SMUG1: variants seen among roughly 807,000 people sequenced by gnomAD.
SMUG1 encodes the protein single-strand-selective monofunctional uracil-DNA glycosylase 1, also known as single-strand selective monofunctional uracil DNA glycosylase.
Under a neutral mutation model 23.9 loss-of-function variants are expected in SMUG1, and 13 were observed. That is an observed-to-expected ratio of 0.54 (90% CI 0.35 to 0.86). SMUG1 has a LOEUF of 0.86. SMUG1 is among the 40% of genes least tolerant of loss of function. The pLI is 0.01. For missense variants in SMUG1, 313 were observed against 339.5 expected, an observed-to-expected ratio of 0.92 and a Z score of 0.61; for synonymous variants, 133 against 139.8, an observed-to-expected ratio of 0.95 and a Z score of 0.34.
chr12:54,159,025 C>T (rs1324875051), intron 4 of SMUG1, among the ~76,000 whole-genome samples: 1 of 152,186 alleles, frequency 6.6e-6, no homozygotes, highest in Non-Finnish European at 1.5e-5. Flanking sequence ...CTTTCTCCCT[C>T]TGTCAACCTT....
downstream of SMUG1, among the ~76,000 whole-genome samples, chr12:54,160,333 C>T (rs184250990): frequency 1.3e-3 from 199 of 152,348 alleles, 1 homozygote; most frequent in African/African-American, 4.5e-3. Flanking sequence ...AGAGAGGAGG[C>T]AGGACCACAG....
downstream of SMUG1, among the ~76,000 whole-genome samples, chr12:54,175,895 C>A (rs892158603): frequency 6.6e-6 from 1 of 152,078 alleles, no homozygotes; most frequent in Admixed American, 6.6e-5. Context: ...TTTCTTTAAG[C>A]TATCCTGTAT....
chr12:54,158,451 TC>T (rs1220320113), intron 4 of SMUG1, among the ~76,000 whole-genome samples: 1 of 152,026 alleles, frequency 6.6e-6, no homozygotes, highest in Non-Finnish European at 1.5e-5. Flanking sequence ...CTTGTAGTGG[TC>T]CCATTCCCAA....
chr12:54,186,164 T>C (rs1942401355), intron 2 of SMUG1, among the ~76,000 whole-genome samples: 1 of 152,156 alleles, frequency 6.6e-6, no homozygotes, highest in African/African-American at 2.4e-5. Context: ...GGACTGTTGA[T>C]TCCCCAACCT....
chr12:54,169,982 C>T (rs920538193), intron 3 of SMUG1, among the ~76,000 whole-genome samples: 4 of 152,020 alleles, frequency 2.6e-5, no homozygotes, highest in Non-Finnish European at 5.9e-5. Context: ...GCAGATAACC[C>T]GAGGTCGGTA....
downstream of SMUG1, among the ~76,000 whole-genome samples, chr12:54,177,863 C>T (rs1940794001): frequency 4.6e-5 from 7 of 151,966 alleles, no homozygotes; most frequent in South Asian, 1.5e-3. Context: ...TGGTTGGGGA[C>T]AAAAAAAGCA....
At chr12:54,176,506 G>T (rs1940753905), downstream of SMUG1, among the ~76,000 whole-genome samples, 4 of 46,966 alleles carry the variant, frequency 8.5e-5, no homozygotes, top group African/African-American at 1.4e-4. Context: ...AGAAGATCCT[G>T]TCCCCCCCCA....
chr12:54,183,424 G>A, intron 3 of SMUG1: 1 of 580,020 alleles, frequency 1.7e-6, no homozygotes, highest in Non-Finnish European at 3.1e-6. Flanking sequence ...GGCAATTACT[G>A]GCCAGCTCAC....
Position 54,181,198 on chromosome 12 carries a change from G to A in SMUG1, c.*898C>T, listed in dbSNP as rs936778515. ...AAAATCACAGGCTAGTTTTTTCATA[G>A]TCATTGATCCATCTCTGACATGGCA... On this transcript the variant is annotated 3_prime_UTR_variant, in exon 4 of 4. Transcript: ENST00000682136. The A allele has an allele frequency of 4.4e-6, 1 of 225,502 alleles. No homozygotes were observed. Among genetic ancestry groups the A allele is most frequent in the African/African-American group, 2.2e-5 (1 of 44,474 alleles). 14.0% of individuals were successfully genotyped at this position (225,502 alleles called of 1,614,324 possible).
intron 3 of SMUG1, among the ~76,000 whole-genome samples, chr12:54,167,215 T>C (rs979059662): frequency 7.9e-5 from 12 of 152,158 alleles, no homozygotes; most frequent in Admixed American, 2.0e-4. Flanking sequence ...GGCCTCCTTA[T>C]TTTCCCCTTC....
At chr12:54,158,561 C>A (rs1210146182) in intron 4 of SMUG1, among the ~76,000 whole-genome samples, 1 of 152,130 alleles carries the variant, frequency 6.6e-6, no homozygotes, top group Non-Finnish European at 1.5e-5. Context: ...CCCCTAACAC[C>A]TCAGTGCCCC....
At chr12:54,168,587 T>A (rs1940543990) in intron 3 of SMUG1, 1 of 152,198 alleles carries the variant, frequency 6.6e-6, no homozygotes, top group South Asian at 2.1e-4. Context: ...AATAAATACT[T>A]AATAAGCATC....
downstream of SMUG1, chr12:54,180,221 G>T (rs563220398): frequency 5.3e-5 from 8 of 152,304 alleles, no homozygotes; most frequent in African/African-American, 1.9e-4. Context: ...TGTGGTCTGA[G>T]ATCAAATTCA....
chr12:54,159,331 G>A (rs192079905), intron 4 of SMUG1, among the ~76,000 whole-genome samples: 35 of 152,334 alleles, frequency 2.3e-4, no homozygotes, highest in African/African-American at 7.5e-4. Flanking sequence ...GAGCGGGAGG[G>A]TCACGTGGCT....
intron 1 of SMUG1, chr12:54,188,614 A>G (rs1292813649): frequency 2.6e-5 from 4 of 152,092 alleles, no homozygotes; most frequent in Admixed American, 6.5e-5. Context: ...TCAGAGCAAA[A>G]TTCCGTCTCA....
rs1363204147 is a variant in SMUG1, at chr12:54,180,963, G to C, written c.*1133C>G. On this transcript the variant is annotated 3_prime_UTR_variant, in exon 4 of 4. Transcript: ENST00000682136. ...AGACCATGCCACTGCACTCCAGCCT[G>C]GGCAACAGCATGAGACTCCATCTCA... 1 of 151,294 alleles carries C rather than the reference G, an allele frequency of 6.6e-6. No homozygotes were observed. The highest frequency in any genetic ancestry group is 2.1e-4 in the South Asian group (1 of 4,758). 9.4% of individuals were successfully genotyped at this position (151,294 alleles called of 1,614,324 possible). A position where few individuals can be genotyped will look rare whatever the true frequency, so the allele number is the denominator to read the frequency against.
rs763875452 is a variant in SMUG1, at chr12:54,183,865, T to G, written c.76A>C (p.Ser26Arg). 1 of 1,612,522 alleles carries G rather than the reference T, an allele frequency of 6.2e-7. No individual in the cohort carries two copies. Among genetic ancestry groups the G allele is most frequent in the Non-Finnish European group, 8.5e-7 (1 of 1,179,388 alleles). The change falls in exon 3 of 4, where the codon AGC becomes CGC. Residue 26 changes from serine to arginine, a missense_variant. Ser to Arg is a moderately radical substitution (Grantham distance 110). Coordinates refer to ENST00000682136, the MANE Select transcript of SMUG1 (RefSeq NM_001243787.2). ...ALMEPQPCPG[S>R]LAESFLEEEL... ...TCCTCCAGGAAGCTCTCAGCCAAGC[T>G]TCCAGGGCAGGGCTGGGGCTCCATG... is the stretch of plus-strand genomic sequence containing the variant.
At chr12:54,162,971 G>A (rs1219106500), downstream of SMUG1, among the ~76,000 whole-genome samples, 1 of 152,188 alleles carries the variant, frequency 6.6e-6, no homozygotes, top group Non-Finnish European at 1.5e-5. Context: ...CCGGAACGAG[G>A]GAGCTGTCGG....
downstream of SMUG1, chr12:54,162,022 T>A (rs777525344): frequency 6.6e-6 from 1 of 152,512 alleles, no homozygotes; most frequent in South Asian, 2.1e-4. Context: ...GGCTGGTCAG[T>A]TGAGTGCAGG....
Sources: allele counts gnomAD v4.1 joint callset (sites outside exome capture counted in the v4.1 genomes callset), GRCh38; gene constraint gnomAD v4.1.1; transcripts MANE v1.5; gene names NCBI Gene and HGNC (gene_info 2026-07-23, HGNC 2026-07-21).